Variants in CEP112 observed in about 807,000 individuals in gnomAD.
CEP112 encodes the protein centrosomal protein 112, also known as centrosomal protein of 112 kDa.
In CEP112, 127 loss-of-function variants were observed where a neutral mutation model predicts 153.0. That is an observed-to-expected ratio of 0.83 (90% confidence interval 0.72 to 0.96). The LOEUF (loss-of-function observed/expected upper bound fraction) is 0.96, where lower values mean the gene tolerates loss of function less well. Among genes scored for constraint, CEP112 ranks in the 40% least tolerant of loss-of-function variants. CEP112 has a pLI of 0.00. For synonymous variants in CEP112, 358 were observed against 374.4 expected, an observed-to-expected ratio of 0.96 and a Z score of 0.51; for missense variants, 1,089 against 1,101.2, an observed-to-expected ratio of 0.99 and a Z score of 0.16.
At chr17:65,978,856 T>C (rs2145105733) in intron 17 of CEP112, among the ~76,000 whole-genome samples, 1 of 152,348 alleles carries the variant, frequency 6.6e-6, no homozygotes, top group East Asian at 1.9e-4. Flanking sequence ...TTGACCATCA[T>C]ATTCTACTGA....
At chr17:66,067,016 A>AACACAC (rs60964018) in intron 9 of CEP112, 139 bp from the exon 10 acceptor site, 26 of 264,974 alleles carry the variant, frequency 9.8e-5, no homozygotes, top group African/African-American at 5.3e-4. Flanking sequence ...TGAAATTATA[A>AACACAC]ACACACACAC....
intron 4 of CEP112, among the ~76,000 whole-genome samples, chr17:66,144,148 CAG>C (rs1598432430): frequency 6.6e-6 from 1 of 152,130 alleles, no homozygotes; most frequent in South Asian, 2.1e-4. Context: ...TTGTAAAATG[CAG>C]AGTTTGATGA....
chr17:65,802,454 A>G (rs1287915082), intron 21 of CEP112, among the ~76,000 whole-genome samples: 1 of 152,158 alleles, frequency 6.6e-6, no homozygotes, highest in Non-Finnish European at 1.5e-5. Context: ...TTTGTAAATG[A>G]TCAATAGTCA....
At chr17:66,187,586 C>T (rs900554630) in intron 1 of CEP112, among the ~76,000 whole-genome samples, 5 of 152,298 alleles carry the variant, frequency 3.3e-5, no homozygotes, top group East Asian at 1.9e-4. Flanking sequence ...CATTCCTTCT[C>T]GGTCTCTCAA....
In CEP112 at chr17:65,647,771, C is replaced by G. The variant is rs138522160; in HGVS notation, c.2698-6706G>C. Reference sequence around the variant, plus strand: ...GTGCTAAGATGATAGGCATAAGCCACCATGCCTGGCTTTTGCTACTGCTTT... The same window carrying G: ...GTGCTAAGATGATAGGCATAAGCCAGCATGCCTGGCTTTTGCTACTGCTTT... On this transcript the variant is annotated intron_variant, in intron 24 of 26. Transcript: ENST00000535342. 1.7e-3 allele frequency among the ~76,000 whole-genome samples: 254 copies of G among 152,134 alleles called. 1 individual carries two copies. Among genetic ancestry groups the G allele is most frequent in the Non-Finnish European group, 2.2e-3 (150 of 67,994 alleles).
chr17:65,870,853 C>T (rs1264882808), intron 20 of CEP112, among the ~76,000 whole-genome samples: 1 of 152,210 alleles, frequency 6.6e-6, no homozygotes, highest in Admixed American at 6.5e-5. Flanking sequence ...AATTCTTCTT[C>T]ACTAGAAAAC....
At chr17:65,803,548 G>A (rs1282082743) in intron 21 of CEP112, among the ~76,000 whole-genome samples, 1 of 152,160 alleles carries the variant, frequency 6.6e-6, no homozygotes, top group African/African-American at 2.4e-5. Flanking sequence ...CATACATCTA[G>A]CAAGGAAGTC....
At chr17:65,666,719 A>C (rs377379557) in intron 24 of CEP112, among the ~76,000 whole-genome samples, 1 of 152,210 alleles carries the variant, frequency 6.6e-6, no homozygotes, top group South Asian at 2.1e-4. Flanking sequence ...GTTTGCTTTT[A>C]ATTTTTCCTA....
At chr17:65,816,187 T>C (rs1056980588) in intron 21 of CEP112, among the ~76,000 whole-genome samples, 4 of 152,056 alleles carry the variant, frequency 2.6e-5, no homozygotes, top group African/African-American at 9.7e-5. Context: ...ATAAATCACA[T>C]ACCATAAAAA....
chr17:65,832,042 C>CA (rs1199105646), intron 21 of CEP112, among the ~76,000 whole-genome samples: 1 of 152,102 alleles, frequency 6.6e-6, no homozygotes, highest in African/African-American at 2.4e-5. Context: ...GAATATCATT[C>CA]AAAATCATGT....
chr17:65,714,542 T>C (rs2049387793), intron 23 of CEP112, among the ~76,000 whole-genome samples: 1 of 152,170 alleles, frequency 6.6e-6, no homozygotes, highest in South Asian at 2.1e-4. Context: ...AGACCTAGCA[T>C]CGCTTTCCCC....
At position 65,902,327 on chromosome 17, in the gene CEP112, T is replaced by C. The variant is rs2059900183; in HGVS notation, c.1988A>G (p.Glu663Gly). The change falls in exon 20 of 27, where the codon GAG (glutamate) becomes GGG (glycine). Residue 663 changes from glutamate (E) to glycine (G), a missense_variant. By Grantham distance (98) the Glu-to-Gly change is moderately conservative (BLOSUM62 -2). Transcript: ENST00000535342. ...IRQRYEQQIV[E>G]LKLEHEQEKT... is the part of the protein sequence containing the mutation. The stretch of plus-strand genomic sequence containing the variant: ...CTCCTGTTCATGCTCCAGCTTCAGC[T>C]CTACTATCTGATTGGACAATGAGGA... 2 of 1,612,458 alleles carry C rather than the reference T, an allele frequency of 1.2e-6. No homozygotes were observed. Among genetic ancestry groups the C allele is most frequent in the Admixed American group, 3.3e-5 (2 of 59,764 alleles).
chr17:65,693,419 T>C, intron 23 of CEP112, among the ~76,000 whole-genome samples: 2 of 151,804 alleles, frequency 1.3e-5, no homozygotes, highest in East Asian at 3.9e-4. Context: ...CTCTTGAATC[T>C]TGAGGAAATA....
At chr17:65,670,920 CTA>C (rs1185292044) in intron 24 of CEP112, among the ~76,000 whole-genome samples, 1 of 151,796 alleles carries the variant, frequency 6.6e-6, no homozygotes, top group African/African-American at 2.4e-5. Context: ...CAGACCAAGA[CTA>C]AGCTCAGTAC....
At chr17:65,676,605 G>A (rs114178306) in intron 24 of CEP112, among the ~76,000 whole-genome samples, 1,530 of 152,200 alleles carry the variant, frequency 0.01, 25 homozygotes, top group African/African-American at 0.035. Flanking sequence ...ATTTTCATTC[G>A]GTTTGTTCAG....
chr17:65,880,106 T>TAAA (rs2059008252), intron 20 of CEP112, among the ~76,000 whole-genome samples: 1 of 152,196 alleles, frequency 6.6e-6, no homozygotes, highest in Non-Finnish European at 1.5e-5. Context: ...CGGTATTTTT[T>TAAA]AAAAAATATG....
chr17:66,063,067 G>A lies in CEP112; in HGVS notation c.970C>T (p.Arg324Cys), dbSNP rs573903382. The A allele has an allele frequency of 3.1e-5, 49 of 1,573,026 alleles. No individual in the cohort carries two copies. In the East Asian group the frequency reaches 6.3e-4, roughly 20 times the overall value. ...KLEKKVQTLI[R>C]DCQVIRETKE... ...GTCTCTCTGATAACTTGACAGTCAC[G>A]TATCAGTGTCTGAACTGTCAAAAAT... Residue 324 changes from arginine (R) to cysteine (C), a missense_variant, in exon 11 of 27, where the codon CGT becomes TGT. Arg to Cys is a radical substitution (Grantham distance 180). Transcript: ENST00000535342.
rs2047466786 is a variant in CEP112, at chr17:65,680,521, T to G, written c.2697+8608A>C. On this transcript the variant is annotated intron_variant, in intron 24 of 26. Coordinates refer to ENST00000535342, the MANE Select transcript of CEP112 (RefSeq NM_001199165.4). Reference sequence around the variant, plus strand: ...TTCCATCCCGTCCTTCTTCCTCCCATTAATTCACCGAGCACCATTGGGCCT... The same window carrying G: ...TTCCATCCCGTCCTTCTTCCTCCCAGTAATTCACCGAGCACCATTGGGCCT... 2.0e-5 allele frequency among the ~76,000 whole-genome samples: 3 copies of G among 152,066 alleles called. No individual in the cohort carries two copies. The East Asian group carries it at 5.8e-4, about 29-fold the overall frequency.
At chr17:66,129,883 A>ATTTGCTTTATGTATAT in intron 5 of CEP112, 60 bp from the exon 6 acceptor site, 1 of 1,090,940 alleles carries the variant, frequency 9.2e-7, no homozygotes, top group Non-Finnish European at 1.4e-6. Context: ...AAATAAAAGG[A>ATTTGCTTTATGTATAT]AAAGATGGAA....
Sources: allele counts gnomAD v4.1 joint callset (sites outside exome capture counted in the v4.1 genomes callset), GRCh38; gene constraint gnomAD v4.1.1; transcripts MANE v1.5; gene names NCBI Gene and HGNC (gene_info 2026-07-23, HGNC 2026-07-21).